Variants in GPHN observed in about 807,000 individuals in gnomAD.
GPHN encodes the protein gephyrin.
A neutral mutation model predicts 95.5 loss-of-function variants in GPHN; 17 were observed. The observed-to-expected ratio is 0.18, with a 90% confidence interval of 0.12 to 0.27. GPHN has a LOEUF of 0.27. Among genes scored for constraint, GPHN ranks in the 10% least tolerant of loss-of-function variants. The pLI, the probability that GPHN is intolerant of heterozygous loss-of-function variation, is 1.00. For missense variants in GPHN, 660 were observed against 978.1 expected (o/e 0.67, Z 4.34); for synonymous variants, 320 against 322.5 (o/e 0.99, Z 0.08).
Position 66,597,403 on chromosome 14 carries a change from T to TA in GPHN, c.65-83699dup, listed in dbSNP as rs1223277418. 3.3e-5 allele frequency among the ~76,000 whole-genome samples: 5 copies of TA among 152,228 alleles called. No individual in the cohort carries two copies. The East Asian group carries it at 7.7e-4, about 24-fold the overall frequency. On this transcript the variant is annotated intron_variant, in intron 1 of 22. Transcript: ENST00000478722. ...TTAGTCTAAAATGCAGACCAAAACT[T>TA]AAAAACAAAGTCCGGAGGGGGCTGA...
At chr14:67,457,138 G>A in the GPHN span, among the ~76,000 whole-genome samples, 1 of 152,176 alleles carries the variant, frequency 6.6e-6, no homozygotes, top group African/African-American at 2.4e-5. Flanking sequence ...AGGGTGGAGG[G>A]TAGGAGGAGG....
chr14:66,743,518 CGAGGTGAGGAGATCGA>C (rs1047302012), intron 2 of GPHN, among the ~76,000 whole-genome samples: 1 of 151,916 alleles, frequency 6.6e-6, no homozygotes, highest in African/African-American at 2.4e-5. Context: ...GGGCGGATCA[CGAGGTGAGGAGATCGA>C]GACCATCCTG....
At chr14:67,477,018 A>C in the GPHN span, among the ~76,000 whole-genome samples, 4 of 152,082 alleles carry the variant, frequency 2.6e-5, no homozygotes, top group Non-Finnish European at 5.9e-5. Context: ...GGCCTGCTTC[A>C]GCTGAAATGT....
chr14:67,557,064 G>T, the GPHN span, among the ~76,000 whole-genome samples: 1 of 152,142 alleles, frequency 6.6e-6, no homozygotes, highest in Non-Finnish European at 1.5e-5. Flanking sequence ...GACCTAGAGT[G>T]GCCAAAATGA....
the GPHN span, among the ~76,000 whole-genome samples, chr14:67,314,837 T>C: frequency 6.6e-6 from 1 of 152,218 alleles, no homozygotes. Flanking sequence ...ACACCTGTAA[T>C]CCCAGCACTT....
the GPHN span, among the ~76,000 whole-genome samples, chr14:67,196,139 A>G: frequency 6.6e-6 from 1 of 151,900 alleles, no homozygotes; most frequent in Non-Finnish European, 1.5e-5. Context: ...GCTCCACTCT[A>G]GTCTTTAGGA....
At chr14:67,104,070 A>T (rs1245068913) in intron 13 of GPHN, among the ~76,000 whole-genome samples, 5 of 152,096 alleles carry the variant, frequency 3.3e-5, no homozygotes, top group Admixed American at 1.3e-4. Flanking sequence ...GAGAGTTTTA[A>T]CCATGAAGGA....
At chr14:67,527,821 T>C in the GPHN span, among the ~76,000 whole-genome samples, 8 of 152,200 alleles carry the variant, frequency 5.3e-5, no homozygotes, top group Non-Finnish European at 1.2e-4. Flanking sequence ...CGGAGCAAAG[T>C]AGTGGCTGAG....
At chr14:67,609,090 T>C in the GPHN span, among the ~76,000 whole-genome samples, 9 of 152,154 alleles carry the variant, frequency 5.9e-5, no homozygotes. Context: ...ACCAACCAGC[T>C]ATTAATTGGC....
the GPHN span, among the ~76,000 whole-genome samples, chr14:67,425,605 C>T: frequency 4.6e-5 from 7 of 152,300 alleles, no homozygotes; most frequent in East Asian, 3.9e-4. Context: ...CTGTTTCTCC[C>T]GGCAAGACAA....
At chr14:67,053,217 C>A (rs2075392431) in intron 10 of GPHN, among the ~76,000 whole-genome samples, 6 of 134,282 alleles carry the variant, frequency 4.5e-5, no homozygotes, top group South Asian at 2.3e-4. Flanking sequence ...AAATAGACTA[C>A]TAGCTAGACT....
At chr14:67,320,629 G>A in the GPHN span, among the ~76,000 whole-genome samples, 2 of 151,852 alleles carry the variant, frequency 1.3e-5, no homozygotes, top group Non-Finnish European at 2.9e-5. Flanking sequence ...TTTCAGTTTG[G>A]GCCCCTTATA....
At chr14:66,552,956 C>T (rs1049318053) in intron 1 of GPHN, among the ~76,000 whole-genome samples, 31 of 150,492 alleles carry the variant, frequency 2.1e-4, no homozygotes, top group African/African-American at 7.3e-4. Flanking sequence ...TTGGGATTGG[C>T]TAAACTTCTT....
chr14:66,637,475 A>T (rs1408402446), intron 1 of GPHN, among the ~76,000 whole-genome samples: 1 of 152,176 alleles, frequency 6.6e-6, no homozygotes, highest in East Asian at 1.9e-4. Flanking sequence ...ATAGATAAGG[A>T]ATGAGACAAC....
chr14:67,302,307 TGAA>T, the GPHN span: 3 of 1,091,752 alleles, frequency 2.7e-6, no homozygotes, highest in Non-Finnish European at 3.6e-6. Flanking sequence ...TTAAGATAAC[TGAA>T]GGTTAGTATT....
At chr14:66,656,369 A>T (rs1203636393) in intron 1 of GPHN, among the ~76,000 whole-genome samples, 1 of 152,074 alleles carries the variant, frequency 6.6e-6, no homozygotes, top group East Asian at 1.9e-4. Context: ...AGGTTAACAA[A>T]CTGATGTGTG....
chr14:66,930,602 T>C (rs1017907102), intron 8 of GPHN, among the ~76,000 whole-genome samples: 6 of 151,302 alleles, frequency 4.0e-5, no homozygotes, highest in African/African-American at 2.4e-5. Context: ...CACGGCTCAG[T>C]GTAGCCTTGG....
chr14:67,276,401 T>C, the GPHN span, among the ~76,000 whole-genome samples: 1 of 152,204 alleles, frequency 6.6e-6, no homozygotes, highest in African/African-American at 2.4e-5. Flanking sequence ...ACTATCTGGC[T>C]AATTTTTAGT....
chr14:66,671,454 G>T (rs930128541), intron 1 of GPHN, among the ~76,000 whole-genome samples: 1 of 152,162 alleles, frequency 6.6e-6, no homozygotes, highest in Non-Finnish European at 1.5e-5. Context: ...GAAAAAGAAT[G>T]TGTTAACTTT....
Sources: allele counts gnomAD v4.1 joint callset (sites outside exome capture counted in the v4.1 genomes callset), GRCh38; gene constraint gnomAD v4.1.1; transcripts MANE v1.5; gene names NCBI Gene and HGNC (gene_info 2026-07-23, HGNC 2026-07-21).